MYO1E: variants seen among roughly 807,000 people sequenced by gnomAD.
MYO1E encodes the protein myosin IE, also known as unconventional myosin-Ie.
A neutral mutation model predicts 151.1 loss-of-function variants in MYO1E; 68 were observed. The ratio of observed to expected loss-of-function variants is 0.45; its 90% CI spans 0.37 to 0.55. MYO1E has a LOEUF of 0.55. MYO1E is among the 20% of genes least tolerant of loss of function. The probability of loss-of-function intolerance (pLI) is 0.00; values close to 1 mark genes in which losing one functional copy is unlikely to be tolerated. For synonymous variants in MYO1E, 601 were observed against 501.7 expected (o/e 1.20, Z -2.64); for missense variants, 1,363 against 1,389.3 (o/e 0.98, Z 0.30).
At chr15:59,185,358 C>T (rs1176086642) in intron 18 of MYO1E, among the ~76,000 whole-genome samples, 5 of 152,162 alleles carry the variant, frequency 3.3e-5, no homozygotes, top group East Asian at 3.9e-4. Flanking sequence ...ACTTCCATCT[C>T]CCTGGTTCAA....
Position 59,319,550 on chromosome 15 carries a change from C to CTTTTTTTTTTTTTTTTTT in MYO1E, c.4-47119_4-47102dup, listed in dbSNP as rs59491381. ...AAGATAGGAAAAGAAGTCAAACTAC[C>CTTTTTTTTTTTTTTTTTT]TTTTTTTTTTTTTTTTTTTTTTTTT... On this transcript the variant is annotated intron_variant, in intron 1 of 27. Transcript: ENST00000288235. Among the ~76,000 whole-genome samples, 35 of 63,720 alleles carry CTTTTTTTTTTTTTTTTTT rather than the reference C, an allele frequency of 5.5e-4. 2 individuals carry two copies. The highest frequency in any genetic ancestry group is 1.2e-3 in the African/African-American group (27 of 22,410). 41.8% of individuals were successfully genotyped at this position (63,720 alleles called of 152,430 possible).
At chr15:59,180,660 C>T (rs1183278768) in intron 18 of MYO1E, among the ~76,000 whole-genome samples, 2 of 151,808 alleles carry the variant, frequency 1.3e-5, no homozygotes, top group Admixed American at 1.3e-4. Flanking sequence ...GCTTCCTTTG[C>T]TTCCATGAAG....
rs1301548766 is a variant in MYO1E, at chr15:59,216,643, AGT to A, written c.1107+1246_1107+1247del. 9.9e-3 allele frequency among the ~76,000 whole-genome samples: 432 copies of A among 43,468 alleles called. 49 individuals carry two copies. Among genetic ancestry groups the A allele is most frequent in the African/African-American group, 0.036 (397 of 11,008 alleles). The allele number at this position is 43,468 out of a possible 152,430, so 28.5% of individuals were successfully genotyped here. Reference sequence around the variant, plus strand: ...CTATCTTTTGGATCGAAGGGCCCCCAGTGTGTGTGTGTGTGTGTATGTGTATA... The same window carrying A: ...CTATCTTTTGGATCGAAGGGCCCCCAGTGTGTGTGTGTGTGTATGTGTATA... On this transcript the variant is annotated intron_variant, in intron 10 of 27. Coordinates refer to ENST00000288235, the MANE Select transcript of MYO1E (RefSeq NM_004998.4).
intron 17 of MYO1E, among the ~76,000 whole-genome samples, chr15:59,192,250 T>G (rs920634536): frequency 1.3e-5 from 2 of 152,086 alleles, no homozygotes; most frequent in African/African-American, 4.8e-5. Context: ...ACCAGTTTAT[T>G]TGAATGCATG....
At chr15:59,222,790 C>G (rs537242289) in intron 9 of MYO1E, among the ~76,000 whole-genome samples, 1 of 152,226 alleles carries the variant, frequency 6.6e-6, no homozygotes, top group African/African-American at 2.4e-5. Flanking sequence ...TGAAATCCTC[C>G]CAGCTTTCCC....
intron 1 of MYO1E, among the ~76,000 whole-genome samples, chr15:59,329,509 AAG>A (rs1325287668): frequency 6.6e-6 from 1 of 152,184 alleles, no homozygotes; most frequent in Non-Finnish European, 1.5e-5. Flanking sequence ...CCCAAACCAA[AAG>A]AGATTTGACA....
At chr15:59,221,794 A>G (rs932157286) in intron 9 of MYO1E, among the ~76,000 whole-genome samples, 2 of 152,172 alleles carry the variant, frequency 1.3e-5, no homozygotes, top group Admixed American at 6.5e-5. Flanking sequence ...TTGCTGTTTC[A>G]GTGTCATGAT....
At chr15:59,223,258 G>C in intron 8 of MYO1E, 67 bp from the exon 9 acceptor site, 1 of 1,594,978 alleles carries the variant, frequency 6.3e-7, no homozygotes, top group South Asian at 1.1e-5. Context: ...TTAGGAAGAA[G>C]CCAAGGCACA....
chr15:59,283,185 G>C (rs1193078336), intron 1 of MYO1E, among the ~76,000 whole-genome samples: 1 of 151,626 alleles, frequency 6.6e-6, no homozygotes, highest in Non-Finnish European at 1.5e-5. Flanking sequence ...TCTTAGCGAG[G>C]CTTCCCTGAC....
chr15:59,212,587 T>C (rs1227434640), intron 12 of MYO1E: 1 of 152,124 alleles, frequency 6.6e-6, no homozygotes, highest in Non-Finnish European at 1.5e-5. Context: ...GGGTTTAGAG[T>C]GAACTTGAAA....
chr15:59,273,839 C>A (rs1266782591), intron 1 of MYO1E, among the ~76,000 whole-genome samples: 1 of 152,144 alleles, frequency 6.6e-6, no homozygotes, highest in Admixed American at 6.5e-5. Context: ...GGGCACTGCA[C>A]TGGGTGAGAC....
intron 1 of MYO1E, among the ~76,000 whole-genome samples, chr15:59,353,113 T>C (rs1372776017): frequency 6.6e-6 from 1 of 152,134 alleles, no homozygotes; most frequent in Non-Finnish European, 1.5e-5. Context: ...TCTCAAAAGT[T>C]GGATCCCACC....
intron 18 of MYO1E, among the ~76,000 whole-genome samples, chr15:59,185,165 G>A (rs1463670243): frequency 6.6e-6 from 1 of 152,048 alleles, no homozygotes; most frequent in African/African-American, 2.4e-5. Context: ...AGTTGTTTGA[G>A]CTCCTTCTAT....
intron 1 of MYO1E, among the ~76,000 whole-genome samples, chr15:59,299,933 G>A (rs1284741092): frequency 2.6e-5 from 4 of 152,122 alleles, no homozygotes; most frequent in Admixed American, 2.0e-4. Context: ...GCTGTGAGAC[G>A]CACAAATTTG....
At chr15:59,250,560 C>T (rs1438570204) in intron 4 of MYO1E, among the ~76,000 whole-genome samples, 1 of 152,104 alleles carries the variant, frequency 6.6e-6, no homozygotes, top group Admixed American at 6.5e-5. Flanking sequence ...CAGAACGAAA[C>T]TGTAATCCTA....
chr15:59,261,065 T>C (rs2080221712), intron 3 of MYO1E, among the ~76,000 whole-genome samples: 1 of 151,858 alleles, frequency 6.6e-6, no homozygotes, highest in Non-Finnish European at 1.5e-5. Flanking sequence ...AATACAAAAT[T>C]AGCCAGGTGT....
chr15:59,329,729 G>C lies in MYO1E; in HGVS notation c.3+42769C>G, dbSNP rs559421268. ...CCACCACTTTTTGATTCTCTCCTAA[G>C]GTCTTTAAAAGAGCAAACCACAGCT... is the stretch of plus-strand genomic sequence containing the variant. On this transcript the variant is annotated intron_variant, in intron 1 of 27. Coordinates refer to ENST00000288235, the MANE Select transcript of MYO1E (RefSeq NM_004998.4). Among the ~76,000 whole-genome samples, 54 of 152,222 alleles carry C rather than the reference G, an allele frequency of 3.5e-4. No homozygotes were observed. The South Asian group carries it at 0.011, about 31-fold the overall frequency.
chr15:59,208,340 T>C (rs2079854238), intron 14 of MYO1E: 1 of 558,396 alleles, frequency 1.8e-6, no homozygotes, highest in Non-Finnish European at 3.2e-6. Flanking sequence ...GTAGTTGGCA[T>C]TTGGTTCCCA....
intron 26 of MYO1E, among the ~76,000 whole-genome samples, chr15:59,144,576 T>C (rs1338624665): frequency 1.3e-5 from 2 of 152,094 alleles, no homozygotes; most frequent in Non-Finnish European, 2.9e-5. Flanking sequence ...ATTACAGGTG[T>C]AAGCCACCGC....
Sources: allele counts gnomAD v4.1 joint callset (sites outside exome capture counted in the v4.1 genomes callset), GRCh38; gene constraint gnomAD v4.1.1; transcripts MANE v1.5; gene names NCBI Gene and HGNC (gene_info 2026-07-23, HGNC 2026-07-21).